Variants in ADGRL2 observed in about 807,000 individuals in gnomAD.
The protein encoded by ADGRL2 is calcium-independent alpha-latrotoxin receptor 2.
Under a neutral mutation model 157.4 loss-of-function variants are expected in ADGRL2, and 44 were observed. The ratio of observed to expected loss-of-function variants is 0.28; its 90% CI spans 0.22 to 0.36. ADGRL2 has a LOEUF of 0.36. Among genes scored for constraint, ADGRL2 ranks in the 10% least tolerant of loss-of-function variants. ADGRL2 has a pLI of 1.00. For synonymous variants in ADGRL2, 585 were observed against 624.7 expected, an observed-to-expected ratio of 0.94 and a Z score of 0.95; for missense variants, 1,510 against 1,768.9, an observed-to-expected ratio of 0.85 and a Z score of 2.63.
intron 14 of ADGRL2, 83 bp from the exon 15 acceptor site, chr1:81,969,095 T>G: frequency 1.1e-4 from 103 of 945,276 alleles, no homozygotes; most frequent in Non-Finnish European, 1.5e-4. Flanking sequence ...TAGTAAAAGA[T>G]GAGCTGTACA....
intron 2 of ADGRL2, among the ~76,000 whole-genome samples, chr1:81,881,725 T>G (rs2093993899): frequency 6.6e-6 from 1 of 152,172 alleles, no homozygotes; most frequent in Non-Finnish European, 1.5e-5. Flanking sequence ...ACCACATAAT[T>G]GAGTATTTAC....
At chr1:81,463,628 T>C (rs1316357300) in intron 2 of ADGRL2, among the ~76,000 whole-genome samples, 2 of 152,280 alleles carry the variant, frequency 1.3e-5, no homozygotes, top group South Asian at 4.1e-4. Flanking sequence ...TTGGTCTTGT[T>C]TTATGTGTCG....
At chr1:81,353,224 C>CCTG (rs1557620814) in intron 1 of ADGRL2, among the ~76,000 whole-genome samples, 20 of 152,228 alleles carry the variant, frequency 1.3e-4, no homozygotes, top group Non-Finnish European at 2.1e-4. Context: ...AATGAGACTG[C>CCTG]ATTGCCATGA....
At chr1:81,660,598 AC>A (rs2082630217) in intron 3 of ADGRL2, among the ~76,000 whole-genome samples, 1 of 152,094 alleles carries the variant, frequency 6.6e-6, no homozygotes. Context: ...AATTTATAGA[AC>A]TTTTAGTAGT....
At chr1:81,602,897 CAAAAAAAAA>C (rs35152437) in intron 3 of ADGRL2, among the ~76,000 whole-genome samples, 5 of 120,406 alleles carry the variant, frequency 4.2e-5, no homozygotes, top group African/African-American at 9.6e-5. Flanking sequence ...GACTCTGTCT[CAAAAAAAAA>C]AAAAAAAAAG....
intron 2 of ADGRL2, among the ~76,000 whole-genome samples, chr1:81,507,637 C>A (rs551936500): frequency 1.3e-5 from 2 of 152,284 alleles, no homozygotes; most frequent in East Asian, 1.9e-4. Context: ...GAAAAGGATT[C>A]ATCAAGCTGC....
rs528847678 is a variant in ADGRL2 at position 81,911,888 on chromosome 1, T to C, written c.287+4658T>C. ...CCCCCTGCCTCCCATTTTTTTTTTTTTTTTTTGCGGGGGGATGGATTGAAA... is the reference window on the plus strand; with the variant it reads ...CCCCCTGCCTCCCATTTTTTTTTTTCTTTTTTGCGGGGGGATGGATTGAAA... On this transcript the variant is annotated intron_variant, in intron 3 of 23. Coordinates refer to ENST00000686636, the MANE Select transcript of ADGRL2 (RefSeq NM_001366006.2). 1.4e-4 allele frequency among the ~76,000 whole-genome samples: 21 copies of C among 151,096 alleles called. No individual in the cohort carries two copies. The South Asian group carries it at 2.7e-3, about 20-fold the overall frequency.
intron 2 of ADGRL2, among the ~76,000 whole-genome samples, chr1:81,900,831 T>G (rs1409239514): frequency 1.2e-4 from 19 of 152,032 alleles, no homozygotes; most frequent in African/African-American, 4.6e-4. Flanking sequence ...GGCCTATGGT[T>G]TTTGTGCAAA....
intron 2 of ADGRL2, among the ~76,000 whole-genome samples, chr1:81,888,326 C>G (rs542298110): frequency 1.3e-5 from 2 of 152,294 alleles, no homozygotes; most frequent in African/African-American, 4.8e-5. Context: ...CTTTCAGTAC[C>G]TTTGCAAAAT....
At chr1:81,340,077 A>G (rs1474413390) in intron 1 of ADGRL2, among the ~76,000 whole-genome samples, 1 of 152,198 alleles carries the variant, frequency 6.6e-6, no homozygotes, top group Non-Finnish European at 1.5e-5. Flanking sequence ...AAAATTCTTT[A>G]ATAAATGAAT....
chr1:81,537,682 T>C (rs2079776895), intron 2 of ADGRL2, among the ~76,000 whole-genome samples: 1 of 152,010 alleles, frequency 6.6e-6, no homozygotes, highest in Non-Finnish European at 1.5e-5. Flanking sequence ...GTCTTCTTTT[T>C]CTTTTTTTTC....
chr1:81,626,938 G>A (rs1482758442), intron 3 of ADGRL2, among the ~76,000 whole-genome samples: 1 of 152,144 alleles, frequency 6.6e-6, no homozygotes, highest in Non-Finnish European at 1.5e-5. Flanking sequence ...TGGAGGGTAG[G>A]TGGGGACAGC....
At chr1:81,400,936 C>T (rs2101253336) in intron 1 of ADGRL2, among the ~76,000 whole-genome samples, 1 of 152,270 alleles carries the variant, frequency 6.6e-6, no homozygotes, top group South Asian at 2.1e-4. Context: ...CCCTAGGATG[C>T]ATAGCTGTTC....
At chr1:81,928,814 A>G (rs2095166197) in intron 3 of ADGRL2, among the ~76,000 whole-genome samples, 1 of 152,084 alleles carries the variant, frequency 6.6e-6, no homozygotes, top group South Asian at 2.1e-4. Flanking sequence ...AAGGAGTGTC[A>G]TTACATGATA....
intron 3 of ADGRL2, among the ~76,000 whole-genome samples, chr1:81,908,810 G>A (rs412378): frequency 0.78 from 118,461 of 151,722 alleles, 46,503 homozygotes; most frequent in East Asian, 0.94. Flanking sequence ...CTAATGACAT[G>A]AAATGTTTAA....
chr1:81,853,136 G>A (rs2093076280), intron 2 of ADGRL2, among the ~76,000 whole-genome samples: 2 of 152,116 alleles, frequency 1.3e-5, no homozygotes, highest in South Asian at 4.1e-4. Flanking sequence ...GTTTCAAATT[G>A]ACAGGCAGAC....
chr1:81,566,034 A>G (rs2080552682), intron 2 of ADGRL2, among the ~76,000 whole-genome samples: 1 of 152,214 alleles, frequency 6.6e-6, no homozygotes, highest in Non-Finnish European at 1.5e-5. Flanking sequence ...GTGGAGAACT[A>G]TAAATGGAGG....
At chr1:81,357,903 T>C (rs1300789400) in intron 1 of ADGRL2, among the ~76,000 whole-genome samples, 1 of 152,220 alleles carries the variant, frequency 6.6e-6, no homozygotes, top group Non-Finnish European at 1.5e-5. Flanking sequence ...TATTAATCTC[T>C]GCATAGCTCA....
intron 3 of ADGRL2, among the ~76,000 whole-genome samples, chr1:81,928,948 T>C (rs1462629003): frequency 6.6e-6 from 1 of 152,176 alleles, no homozygotes; most frequent in Non-Finnish European, 1.5e-5. Context: ...AATTGAAGTT[T>C]AATGAATAAA....
Sources: allele counts gnomAD v4.1 joint callset (sites outside exome capture counted in the v4.1 genomes callset), GRCh38; gene constraint gnomAD v4.1.1; transcripts MANE v1.5; gene names NCBI Gene and HGNC (gene_info 2026-07-23, HGNC 2026-07-21).